VSTM5: variants seen among roughly 807,000 people sequenced by gnomAD.
VSTM5 encodes the protein V-set and transmembrane domain-containing protein 5.
Under a neutral mutation model 20.3 loss-of-function variants are expected in VSTM5, and 21 were observed. The ratio of observed to expected loss-of-function variants is 1.03; its 90% CI spans 0.73 to 1.49. VSTM5 has a LOEUF of 1.49. Ranked by LOEUF, VSTM5 falls within the 40% of genes most tolerant of loss-of-function variation. The probability of loss-of-function intolerance (pLI) is 0.00; values close to 1 mark genes in which losing one functional copy is unlikely to be tolerated. For synonymous variants in VSTM5, 100 were observed against 102.5 expected, an observed-to-expected ratio of 0.98 and a Z score of 0.14; for missense variants, 219 against 250.0, an observed-to-expected ratio of 0.88 and a Z score of 0.84.
rs917694447 is a variant in VSTM5 at position 93,818,349 on chromosome 11, A to C, written c.*2220T>G. 6.6e-6 allele frequency: 1 copy of C among 152,140 alleles called. No individual in the cohort carries two copies. The highest frequency in any genetic ancestry group is 6.6e-5 in the Admixed American group (1 of 15,252). The allele number at this position is 152,140 out of a possible 1,614,324, so 9.4% of individuals were successfully genotyped here. A position where few individuals can be genotyped will look rare whatever the true frequency, so the allele number is the denominator to read the frequency against. ...TCTCTAAGATTTTTATTTTTCTGAAAAGCAAAAACCTCAGGCTCTGCATTT... is the reference window on the plus strand; with the variant it reads ...TCTCTAAGATTTTTATTTTTCTGAACAGCAAAAACCTCAGGCTCTGCATTT... On this transcript the variant is annotated 3_prime_UTR_variant, in exon 4 of 4. Coordinates refer to ENST00000409977, the MANE Select transcript of VSTM5 (RefSeq NM_001144871.2).
chr11:93,820,463 CG>C lies in VSTM5; in HGVS notation c.*105del. ...TAATCTCCCACTGTCCTGTTAGGAG[CG>C]GGCTGCAACAGGACCACACACAATG... On this transcript the variant is annotated 3_prime_UTR_variant, in exon 4 of 4. Transcript: ENST00000409977. 1 of 1,202,408 alleles carries C rather than the reference CG, an allele frequency of 8.3e-7. No homozygotes were observed. Among genetic ancestry groups the C allele is most frequent in the Non-Finnish European group, 1.2e-6 (1 of 842,856 alleles). 74.5% of individuals were successfully genotyped at this position (1,202,408 alleles called of 1,614,324 possible). A position where few individuals can be genotyped will look rare whatever the true frequency, so the allele number is the denominator to read the frequency against.
intron 1 of VSTM5, 36 bp downstream of exon 1, chr11:93,850,376 G>A (rs899606564): frequency 7.0e-7 from 1 of 1,436,732 alleles, no homozygotes; most frequent in South Asian, 1.2e-5. Context: ...ACCCATTCCC[G>A]CTCCCCCAGC....
intron 1 of VSTM5, among the ~76,000 whole-genome samples, chr11:93,827,112 G>A (rs900183883): frequency 6.6e-6 from 1 of 152,148 alleles, no homozygotes; most frequent in Admixed American, 6.5e-5. Context: ...GGCCGGACAC[G>A]GTGGCTCATG....
intron 1 of VSTM5, 56 bp downstream of exon 1, chr11:93,850,356 G>T (rs1237326615): frequency 2.4e-6 from 3 of 1,236,044 alleles, no homozygotes; most frequent in South Asian, 1.3e-5. Context: ...GGCCCCGCCC[G>T]TGCCCCCCTA....
At chr11:93,836,525 G>A (rs896060531) in intron 1 of VSTM5, among the ~76,000 whole-genome samples, 1 of 152,238 alleles carries the variant, frequency 6.6e-6, no homozygotes, top group Admixed American at 6.5e-5. Context: ...TCACACTGCA[G>A]GGACTTAGCA....
chr11:93,844,447 T>A (rs1446747628), intron 1 of VSTM5, among the ~76,000 whole-genome samples: 4 of 152,144 alleles, frequency 2.6e-5, no homozygotes, highest in African/African-American at 7.2e-5. Context: ...AGGGGCCTAC[T>A]GGAGGAATTA....
Position 93,821,183 on chromosome 11 carries a change from T to C in VSTM5, c.232A>G (p.Ile78Val). Reference sequence around the variant, plus strand: ...TGAGTCCCTGGTTTCCACTCCACGATCTTCTGCGTTCCCCAATTGGATGAA... The same window carrying C: ...TGAGTCCCTGGTTTCCACTCCACGACCTTCTGCGTTCCCCAATTGGATGAA... ...TYSSNWGTQK[I>V]VEWKPGTQAN... The change falls in exon 2 of 4, where the codon ATC becomes GTC. Residue 78 changes from isoleucine (I) to valine (V), a missense_variant. By Grantham distance (29) the Ile-to-Val change is conservative. Transcript: ENST00000409977. 1 of 1,552,190 alleles carries C rather than the reference T, an allele frequency of 6.4e-7. No individual in the cohort carries two copies. The highest frequency in any genetic ancestry group is 8.7e-7 in the Non-Finnish European group (1 of 1,147,104).
intron 1 of VSTM5, among the ~76,000 whole-genome samples, chr11:93,830,210 T>C (rs1475723062): frequency 6.6e-6 from 1 of 152,168 alleles, no homozygotes; most frequent in Non-Finnish European, 1.5e-5. Context: ...GGCCATGACA[T>C]GATCTGAACT....
chr11:93,820,330 G>A lies in VSTM5; in HGVS notation c.*239C>T, dbSNP rs1047982662. On this transcript the variant is annotated 3_prime_UTR_variant, in exon 4 of 4. Coordinates refer to ENST00000409977, the MANE Select transcript of VSTM5 (RefSeq NM_001144871.2). ...CACGGCCCTGATGCTGCAGCCAAGC[G>A]AAGCTCCTGGTTCAAAGCCTCAATC... The A allele has an allele frequency of 3.4e-5, 18 of 532,858 alleles. No homozygotes were observed. The highest frequency in any genetic ancestry group is 4.4e-5 in the Non-Finnish European group (13 of 296,664). The allele number at this position is 532,858 out of a possible 1,614,324, so 33.0% of individuals were successfully genotyped here.
chr11:93,828,994 C>T (rs1252104347), intron 1 of VSTM5, among the ~76,000 whole-genome samples: 1 of 152,200 alleles, frequency 6.6e-6, no homozygotes, highest in Non-Finnish European at 1.5e-5. Context: ...ATTATGAGAG[C>T]CTCAGCTCTC....
Position 93,821,265 on chromosome 11 carries a change from G to A in VSTM5, c.150C>T (p.Asp50=). The A allele has an allele frequency of 6.4e-7, 1 of 1,551,852 alleles. No homozygotes were observed. Among genetic ancestry groups the A allele is most frequent in the Non-Finnish European group, 8.7e-7 (1 of 1,147,034 alleles). ...QATINATVKE[D]ILLSVEYSCH... is the part of the protein sequence containing the mutation. ...AGGAGTACTCAACTGAGAGCAGGATGTCTTCTTTGACAGTGGCATTGATGG... is the reference window on the plus strand; with the variant it reads ...AGGAGTACTCAACTGAGAGCAGGATATCTTCTTTGACAGTGGCATTGATGG... The change falls in exon 2 of 4, where the codon GAC becomes GAT. Residue 50 remains aspartate, a synonymous_variant. Coordinates refer to ENST00000409977, the MANE Select transcript of VSTM5 (RefSeq NM_001144871.2).
chr11:93,840,407 C>A (rs999651991), intron 1 of VSTM5, among the ~76,000 whole-genome samples: 1 of 152,168 alleles, frequency 6.6e-6, no homozygotes, highest in African/African-American at 2.4e-5. Flanking sequence ...AACCACTGAG[C>A]TAATCCACAC....
chr11:93,840,744 C>T (rs749454791), intron 1 of VSTM5, among the ~76,000 whole-genome samples: 26 of 152,152 alleles, frequency 1.7e-4, no homozygotes, highest in Non-Finnish European at 3.2e-4. Context: ...GATCACGGAA[C>T]TAGATTGCAG....
chr11:93,845,602 T>C (rs973132820), intron 1 of VSTM5, among the ~76,000 whole-genome samples: 2 of 152,168 alleles, frequency 1.3e-5, no homozygotes, highest in African/African-American at 4.8e-5. Flanking sequence ...TCCTGCTGGA[T>C]AAGTAATTAC....
intron 1 of VSTM5, among the ~76,000 whole-genome samples, chr11:93,835,078 T>C (rs1944313284): frequency 2.0e-5 from 3 of 152,156 alleles, no homozygotes; most frequent in Non-Finnish European, 4.4e-5. Context: ...AAAAAGGTCC[T>C]CACCAGATGT....
chr11:93,821,396 G>A (rs1944185000), intron 1 of VSTM5, 73 bp from the exon 2 acceptor site: 2 of 1,304,600 alleles, frequency 1.5e-6, no homozygotes, highest in Non-Finnish European at 2.1e-6. Flanking sequence ...ATAATTTGTT[G>A]ATCTATTACA....
chr11:93,819,107 C>G lies in VSTM5; in HGVS notation c.*1462G>C, dbSNP rs1355838031. ...AAAGGGCTGTAACTTATCCAAGCAACTCCTCTGCCACATAGGAAATAGAGA... is the reference window on the plus strand; with the variant it reads ...AAAGGGCTGTAACTTATCCAAGCAAGTCCTCTGCCACATAGGAAATAGAGA... On this transcript the variant is annotated 3_prime_UTR_variant, in exon 4 of 4. Coordinates refer to ENST00000409977, the MANE Select transcript of VSTM5 (RefSeq NM_001144871.2). 1 of 152,190 alleles carries G rather than the reference C, an allele frequency of 6.6e-6. No homozygotes were observed. The highest frequency in any genetic ancestry group is 6.5e-5 in the Admixed American group (1 of 15,274). 9.4% of individuals were successfully genotyped at this position (152,190 alleles called of 1,614,324 possible).
chr11:93,834,238 G>T (rs1944304767), intron 1 of VSTM5, among the ~76,000 whole-genome samples: 1 of 152,052 alleles, frequency 6.6e-6, no homozygotes, highest in Non-Finnish European at 1.5e-5. Flanking sequence ...AAACTCAACA[G>T]GGCCCCATCC....
chr11:93,822,116 C>G (rs1944192034), intron 1 of VSTM5: 1 of 152,094 alleles, frequency 6.6e-6, no homozygotes, highest in Non-Finnish European at 1.5e-5. Context: ...GGGTCTCGCT[C>G]TGTCGCCCAG....
Sources: gnomAD v4.1 joint callset for allele counts (sites outside exome capture counted in the v4.1 genomes callset) on GRCh38, gnomAD v4.1.1 for gene constraint, MANE v1.5 for transcripts, NCBI Gene and HGNC (gene_info 2026-07-23, HGNC 2026-07-21) for gene names.